Variants in C12orf75 observed in about 807,000 individuals in gnomAD.
C12orf75 encodes the protein chromosome 12 open reading frame 75.
Under a neutral mutation model 11.4 loss-of-function variants are expected in C12orf75, and 4 were observed. The observed-to-expected ratio is 0.35, with a 90% CI of 0.17 to 0.80. The LOEUF (loss-of-function observed/expected upper bound fraction) is 0.80, where lower values mean the gene tolerates loss of function less well. C12orf75 is among the 30% of genes least tolerant of loss of function. The pLI is 0.52. For synonymous variants in C12orf75, 30 were observed against 30.0 expected (o/e 1.00, Z 0.00); for missense variants, 89 against 80.4 (o/e 1.11, Z -0.41).
At chr12:105,362,384 CA>C (rs35725967) in intron 2 of C12orf75, among the ~76,000 whole-genome samples, 220 of 18,726 alleles carry the variant, frequency 0.012, 1 homozygote, top group Non-Finnish European at 0.016. Flanking sequence ...GACTCCGTCT[CA>C]AAAAAAAAAA....
intron 1 of C12orf75, among the ~76,000 whole-genome samples, chr12:105,334,247 G>A (rs763739288): frequency 6.6e-6 from 1 of 152,224 alleles, no homozygotes; most frequent in Admixed American, 6.5e-5. Context: ...CTAGGGCAAC[G>A]CTGGGGGCAG....
At chr12:105,334,041 A>T (rs530580464) in intron 1 of C12orf75, among the ~76,000 whole-genome samples, 2 of 152,228 alleles carry the variant, frequency 1.3e-5, no homozygotes, top group South Asian at 2.1e-4. Context: ...AGTGTACTTG[A>T]GTTAAGTGGA....
intron 1 of C12orf75, among the ~76,000 whole-genome samples, chr12:105,344,708 C>T (rs895261022): frequency 8.0e-5 from 12 of 150,712 alleles, no homozygotes; most frequent in African/African-American, 2.0e-4. Context: ...ATTGTGCTGC[C>T]GCACTCCAGC....
At chr12:105,333,742 A>T (rs7972183) in intron 1 of C12orf75, among the ~76,000 whole-genome samples, 28,016 of 152,176 alleles carry the variant, frequency 0.18, 2,910 homozygotes, top group Non-Finnish European at 0.24. Flanking sequence ...ATGAAAGCAC[A>T]CTGTAAACTG....
At chr12:105,336,642 T>C (rs1892502849) in intron 1 of C12orf75, among the ~76,000 whole-genome samples, 1 of 152,126 alleles carries the variant, frequency 6.6e-6, no homozygotes, top group African/African-American at 2.4e-5. Flanking sequence ...CTGTGGGCCC[T>C]GAGGGGTAGA....
intron 1 of C12orf75, among the ~76,000 whole-genome samples, chr12:105,336,163 A>G (rs1489116360): frequency 6.6e-6 from 1 of 152,240 alleles, no homozygotes; most frequent in Non-Finnish European, 1.5e-5. Context: ...ATTTCAGGTT[A>G]GTAAGAAGTC....
intron 2 of C12orf75, among the ~76,000 whole-genome samples, chr12:105,357,778 C>G (rs961474437): frequency 2.2e-5 from 3 of 137,246 alleles, no homozygotes; most frequent in Non-Finnish European, 3.2e-5. Context: ...AATGTATTTT[C>G]TGTGTGTGTG....
intron 2 of C12orf75, among the ~76,000 whole-genome samples, chr12:105,350,730 A>C (rs1048574683): frequency 2.0e-5 from 3 of 152,142 alleles, no homozygotes; most frequent in Admixed American, 6.5e-5. Context: ...TGTGCTCTAG[A>C]GTTATTCATG....
intron 2 of C12orf75, among the ~76,000 whole-genome samples, chr12:105,359,848 T>C (rs1892836061): frequency 6.6e-6 from 1 of 152,106 alleles, no homozygotes; most frequent in African/African-American, 2.4e-5. Context: ...CATTTGCTCC[T>C]TTTCTACGGG....
intron 1 of C12orf75, among the ~76,000 whole-genome samples, chr12:105,333,457 T>A (rs1892461815): frequency 6.6e-6 from 1 of 152,186 alleles, no homozygotes; most frequent in Admixed American, 6.5e-5. Context: ...CTCTTCTAGT[T>A]ACTTACAGTG....
intron 1 of C12orf75, among the ~76,000 whole-genome samples, chr12:105,339,837 GTCTCGA>G (rs1892545281): frequency 6.6e-6 from 1 of 151,746 alleles, no homozygotes; most frequent in Admixed American, 6.6e-5. Context: ...AGCTAGGATG[GTCTCGA>G]TCTCCTGACC....
chr12:105,348,604 C>A lies in C12orf75; in HGVS notation c.49C>A (p.Pro17Thr). Residue 17 changes from proline to threonine, a missense_variant and splice_region_variant, in exon 2 of 6, where the codon CCT becomes ACT. Transcript: ENST00000443585. ...TATSAGAGQGPAGAAKDVTEE... is the reference protein window; with the variant it reads ...TATSAGAGQGTAGAAKDVTEE... ...ACCTATCTTCTTTTTTTCTCTAGGC[C>A]CTGCAGGAGCAGCCAAAGATGTGTA... 1 of 1,535,588 alleles carries A rather than the reference C, an allele frequency of 6.5e-7. No individual in the cohort carries two copies. Among genetic ancestry groups the A allele is most frequent in the Non-Finnish European group, 8.8e-7 (1 of 1,138,204 alleles).
intron 2 of C12orf75, among the ~76,000 whole-genome samples, chr12:105,364,128 TCTTGAGAAAGTTAATCA>T (rs1871387167): frequency 1.3e-5 from 2 of 152,380 alleles, no homozygotes; most frequent in African/African-American, 4.8e-5. Context: ...TCAAGTGATT[TCTTGAGAAAGTTAATCA>T]CTCAGGACCA....
At chr12:105,359,658 G>A (rs1892833508) in intron 2 of C12orf75, among the ~76,000 whole-genome samples, 2 of 151,364 alleles carry the variant, frequency 1.3e-5, no homozygotes, top group African/African-American at 4.9e-5. Context: ...ATAGTCCCAG[G>A]TATTTGGGAG....
intron 2 of C12orf75, among the ~76,000 whole-genome samples, chr12:105,364,312 T>A (rs1871395389): frequency 6.6e-6 from 1 of 152,248 alleles, no homozygotes; most frequent in African/African-American, 2.4e-5. Context: ...AGTATGACTT[T>A]GACACTTGAA....
At chr12:105,358,274 A>T (rs1181129664) in intron 2 of C12orf75, among the ~76,000 whole-genome samples, 2 of 152,200 alleles carry the variant, frequency 1.3e-5, no homozygotes, top group African/African-American at 2.4e-5. Context: ...CCAGCCACTC[A>T]GGAGGCTAAG....
chr12:105,360,475 TTCTGAAACC>T (rs1324469072), intron 2 of C12orf75, among the ~76,000 whole-genome samples: 1 of 152,194 alleles, frequency 6.6e-6, no homozygotes, highest in Non-Finnish European at 1.5e-5. Flanking sequence ...TTTTTGTAAC[TTCTGAAACC>T]TAATAGAAAT....
chr12:105,334,524 ACT>A (rs1892476337), intron 1 of C12orf75, among the ~76,000 whole-genome samples: 1 of 152,110 alleles, frequency 6.6e-6, no homozygotes, highest in Admixed American at 6.5e-5. Context: ...TGATATCATC[ACT>A]CTCTCAAGGT....
intron 1 of C12orf75, among the ~76,000 whole-genome samples, chr12:105,341,367 A>G (rs1446229497): frequency 2.6e-5 from 4 of 152,162 alleles, no homozygotes; most frequent in Non-Finnish European, 4.4e-5. Context: ...ATTCAATTCA[A>G]TTCTAACACT....
Sources: allele counts gnomAD v4.1 joint callset (sites outside exome capture counted in the v4.1 genomes callset), GRCh38; gene constraint gnomAD v4.1.1; transcripts MANE v1.5; gene names NCBI Gene and HGNC (gene_info 2026-07-23, HGNC 2026-07-21).